The following KCNG3 variants were observed in gnomAD, a reference collection of about 807,000 sequenced individuals.
KCNG3 encodes voltage-gated potassium channel regulatory subunit KCNG3.
KCNG3 carries 15 observed loss-of-function variants against 29.0 expected under a neutral mutation model. The observed-to-expected ratio is 0.52, with a 90% CI of 0.35 to 0.80. The LOEUF (loss-of-function observed/expected upper bound fraction) is 0.80. Ranked by LOEUF, KCNG3 falls within the 30% of genes least tolerant of loss-of-function variation. The pLI, the probability that KCNG3 is intolerant of heterozygous loss-of-function variation, is 0.01. For missense variants in KCNG3, 512 were observed against 605.7 expected (o/e 0.85, Z 1.62); for synonymous variants, 322 against 248.9 (o/e 1.29, Z -2.76).
At chr2:42,451,204 C>CAAAAAAAAA (rs67651134) in intron 1 of KCNG3, among the ~76,000 whole-genome samples, 4 of 61,016 alleles carry the variant, frequency 6.6e-5, no homozygotes, top group Non-Finnish European at 1.1e-4. Flanking sequence ...GACTCCAACT[C>CAAAAAAAAA]AAAAAAAAAA....
intron 1 of KCNG3, among the ~76,000 whole-genome samples, chr2:42,471,702 T>G (rs965396087): frequency 2.0e-5 from 3 of 151,958 alleles, no homozygotes; most frequent in African/African-American, 7.3e-5. Context: ...TAAATGTTTT[T>G]AAACATTATG....
At chr2:42,438,926 T>C (rs544965734), downstream of KCNG3, among the ~76,000 whole-genome samples, 22 of 152,096 alleles carry the variant, frequency 1.4e-4, no homozygotes, top group East Asian at 4.2e-3. Context: ...GAAAGAACAC[T>C]GAACAGACAC....
chr2:42,444,698 A>C lies in KCNG3; in HGVS notation c.666-119T>G. ...ATTCAGTTACTTTTCCAGAAAACATAAAGAACAGACAACATTAGCAACATC... is the reference window on the plus strand; with the variant it reads ...ATTCAGTTACTTTTCCAGAAAACATCAAGAACAGACAACATTAGCAACATC... On this transcript the variant is annotated intron_variant, in intron 1 of 1. Transcript: ENST00000306078. The surrounding 1 kb of genome is among the most constrained non-coding windows in gnomAD (Gnocchi z 5.8). The C allele has an allele frequency of 6.6e-6, 6 of 906,610 alleles. No individual in the cohort carries two copies. Among genetic ancestry groups the C allele is most frequent in the Non-Finnish European group, 1.7e-6 (1 of 602,134 alleles). The allele number at this position is 906,610 out of a possible 1,614,324, so 56.2% of individuals were successfully genotyped here. A position where few individuals can be genotyped will look rare whatever the true frequency, so the allele number is the denominator to read the frequency against.
At chr2:42,487,313 T>G (rs192268577) in intron 1 of KCNG3, among the ~76,000 whole-genome samples, 1 of 150,694 alleles carries the variant, frequency 6.6e-6, no homozygotes, top group South Asian at 2.1e-4. Context: ...GCAACTAATA[T>G]CATAAAAAGA....
chr2:42,428,305 C>A, the KCNG3 span, among the ~76,000 whole-genome samples: 1 of 151,304 alleles, frequency 6.6e-6, no homozygotes, highest in East Asian at 1.9e-4. Context: ...ATTAAAAATA[C>A]AAAAATTAGC....
At chr2:42,408,815 G>C in the KCNG3 span, among the ~76,000 whole-genome samples, 27 of 152,208 alleles carry the variant, frequency 1.8e-4, no homozygotes, top group African/African-American at 6.5e-4. Flanking sequence ...CACGTTGCTG[G>C]TGAAGAGAAG....
chr2:42,485,915 T>C (rs948731552), intron 1 of KCNG3, among the ~76,000 whole-genome samples: 3 of 152,198 alleles, frequency 2.0e-5, no homozygotes, highest in African/African-American at 7.2e-5. Context: ...ACATCACCAT[T>C]CTAAGATTAA....
intron 1 of KCNG3, among the ~76,000 whole-genome samples, chr2:42,471,901 AAAG>A: frequency 6.6e-6 from 1 of 151,788 alleles, no homozygotes; most frequent in African/African-American, 2.4e-5. Context: ...AAAAAAAAAA[AAAG>A]AAAGAAAAAA....
the KCNG3 span, among the ~76,000 whole-genome samples, chr2:42,425,398 CAAAAAA>C: frequency 1.2e-5 from 1 of 82,356 alleles, no homozygotes; most frequent in African/African-American, 4.4e-5. Flanking sequence ...GACTCCGTCT[CAAAAAA>C]AAAAAAAAAA....
At chr2:42,466,934 G>T (rs913567821) in intron 1 of KCNG3, among the ~76,000 whole-genome samples, 1 of 151,832 alleles carries the variant, frequency 6.6e-6, no homozygotes, top group Non-Finnish European at 1.5e-5. Context: ...TGTATTTTAA[G>T]TAGAGATGGG....
chr2:42,390,336 G>C, the KCNG3 span, among the ~76,000 whole-genome samples: 1 of 152,174 alleles, frequency 6.6e-6, no homozygotes, highest in Non-Finnish European at 1.5e-5. Flanking sequence ...AAAAGCTCTG[G>C]ATTCATTTAT....
chr2:42,439,270 T>A (rs1672426532), downstream of KCNG3, among the ~76,000 whole-genome samples: 2 of 151,640 alleles, frequency 1.3e-5, no homozygotes, highest in South Asian at 4.2e-4. Flanking sequence ...TATATATGAT[T>A]TTTTTGAGAG....
At chr2:42,404,544 C>T in the KCNG3 span, among the ~76,000 whole-genome samples, 1 of 152,162 alleles carries the variant, frequency 6.6e-6, no homozygotes, top group Non-Finnish European at 1.5e-5. Context: ...GCCTGGGCAA[C>T]ATGGCGAAAC....
the KCNG3 span, among the ~76,000 whole-genome samples, chr2:42,430,454 A>T: frequency 2.0e-5 from 3 of 151,970 alleles, no homozygotes; most frequent in East Asian, 1.9e-4. Flanking sequence ...CAAAATACTT[A>T]AAAATATTAA....
At chr2:42,388,372 T>C in the KCNG3 span, 1 of 152,352 alleles carries the variant, frequency 6.6e-6, no homozygotes, top group East Asian at 1.9e-4. Context: ...ACATTTATTG[T>C]TCTTTAAATA....
At chr2:42,451,476 G>A (rs1558375729) in intron 1 of KCNG3, among the ~76,000 whole-genome samples, 1 of 152,056 alleles carries the variant, frequency 6.6e-6, no homozygotes, top group African/African-American at 2.4e-5. Context: ...TGTAATCCCA[G>A]CACTTTGGGA....
At chr2:42,416,903 A>G in the KCNG3 span, among the ~76,000 whole-genome samples, 1 of 152,062 alleles carries the variant, frequency 6.6e-6, no homozygotes, top group Non-Finnish European at 1.5e-5. Context: ...TATACAATGC[A>G]TACATGAATC....
At chr2:42,423,136 A>T in the KCNG3 span, among the ~76,000 whole-genome samples, 2 of 152,152 alleles carry the variant, frequency 1.3e-5, no homozygotes, top group Admixed American at 1.3e-4. Flanking sequence ...GATACTTCCC[A>T]GGCTCCTCCA....
At chr2:42,407,388 G>A in the KCNG3 span, among the ~76,000 whole-genome samples, 22 of 152,124 alleles carry the variant, frequency 1.4e-4, no homozygotes, top group Middle Eastern at 3.4e-3. Context: ...GGCTGGTCTC[G>A]AACTCTTGGA....
Sources: allele counts gnomAD v4.1 joint callset (sites outside exome capture counted in the v4.1 genomes callset), GRCh38; gene constraint gnomAD v4.1.1; non-coding constraint Gnocchi (gnomAD v3.1); transcripts MANE v1.5; gene names NCBI Gene and HGNC (gene_info 2026-07-23, HGNC 2026-07-21).